PAMR1: variants seen among roughly 807,000 people sequenced by gnomAD.
PAMR1 encodes peptidase domain containing associated with muscle regeneration 1, also known as inactive serine protease PAMR1.
Under a neutral mutation model 81.8 loss-of-function variants are expected in PAMR1, and 88 were observed. The ratio of observed to expected loss-of-function variants is 1.08; its 90% confidence interval spans 0.91 to 1.28. The LOEUF (loss-of-function observed/expected upper bound fraction) is 1.28, where lower values mean the gene tolerates loss of function less well. Among genes scored for constraint, PAMR1 ranks in the 50% most tolerant of loss-of-function variants. PAMR1 has a pLI of 0.00. For synonymous variants in PAMR1, 336 were observed against 345.3 expected, an observed-to-expected ratio of 0.97 and a Z score of 0.30; for missense variants, 935 against 919.7, an observed-to-expected ratio of 1.02 and a Z score of -0.21.
At chr11:35,524,512 G>A (rs1486113858) in intron 1 of PAMR1, among the ~76,000 whole-genome samples, 3 of 152,106 alleles carry the variant, frequency 2.0e-5, no homozygotes, top group South Asian at 2.1e-4. Context: ...TACTTGCAGC[G>A]GCAGAGCACC....
intron 6 of PAMR1, among the ~76,000 whole-genome samples, chr11:35,459,472 C>A (rs1256341380): frequency 1.3e-5 from 2 of 152,160 alleles, no homozygotes; most frequent in African/African-American, 4.8e-5. Context: ...TCTGCTTCAG[C>A]TCCTTGGGGG....
At chr11:35,466,278 C>T (rs901398176) in intron 6 of PAMR1, among the ~76,000 whole-genome samples, 5 of 152,148 alleles carry the variant, frequency 3.3e-5, no homozygotes, top group Non-Finnish European at 5.9e-5. Context: ...GAGGCAAGAA[C>T]CACGAAGCAG....
chr11:35,516,426 A>T (rs539871883), intron 1 of PAMR1, among the ~76,000 whole-genome samples: 1 of 152,328 alleles, frequency 6.6e-6, no homozygotes, highest in African/African-American at 2.4e-5. Context: ...GGGGGCTGAA[A>T]AGATCATAGT....
chr11:35,487,448 C>G (rs1175383159), intron 3 of PAMR1, among the ~76,000 whole-genome samples: 3 of 152,164 alleles, frequency 2.0e-5, no homozygotes, highest in Non-Finnish European at 4.4e-5. Context: ...TCAGCTTATT[C>G]TTGGATCAAC....
rs1181765262 is a variant in PAMR1 at position 35,504,587 on chromosome 11, TTTCTTCCTGGTTCAACCTTGGTA to T, written c.74-10338_74-10316del. 2.0e-5 allele frequency among the ~76,000 whole-genome samples: 3 copies of T among 152,270 alleles called. No homozygotes were observed. In the East Asian group the frequency reaches 5.8e-4, roughly 29 times the overall value. On this transcript the variant is annotated intron_variant, in intron 1 of 10. Coordinates refer to ENST00000619888, the MANE Select transcript of PAMR1 (RefSeq NM_001001991.3). ...ATTATTGGATTGTTGGGGTTCTCTA[TTTCTTCCTGGTTCAACCTTGGTA>T]GGTTGCAAGTGCCCAGGAATTTATC...
chr11:35,496,874 G>A (rs1255769402), intron 1 of PAMR1, among the ~76,000 whole-genome samples: 1 of 152,154 alleles, frequency 6.6e-6, no homozygotes, highest in Middle Eastern at 3.2e-3. Flanking sequence ...TAAACAAAAT[G>A]AGGTACATGG....
At chr11:35,493,137 T>C (rs370894225) in intron 2 of PAMR1, among the ~76,000 whole-genome samples, 1 of 152,066 alleles carries the variant, frequency 6.6e-6, no homozygotes, top group South Asian at 2.1e-4. Context: ...AGATCCCAAA[T>C]CCCTCTACCT....
At chr11:35,445,249 A>G (rs1297241050) in intron 6 of PAMR1, among the ~76,000 whole-genome samples, 4 of 152,188 alleles carry the variant, frequency 2.6e-5, no homozygotes, top group Admixed American at 6.5e-5. Flanking sequence ...GTCTGAGACG[A>G]TGGGGTTTTC....
chr11:35,445,102 A>G (rs1856262119), intron 6 of PAMR1, among the ~76,000 whole-genome samples: 1 of 152,068 alleles, frequency 6.6e-6, no homozygotes, highest in South Asian at 2.1e-4. Flanking sequence ...CTTTGTGGCA[A>G]TTGTGAATGG....
rs1275449716 is a variant in PAMR1, at chr11:35,494,112, G to A, written c.234C>T (p.Ser78=). Residue 78 remains serine (S), a synonymous_variant, in exon 2 of 11, where the codon TCC becomes TCT. Coordinates refer to ENST00000619888, the MANE Select transcript of PAMR1 (RefSeq NM_001001991.3). Reference sequence around the variant, plus strand: ...CACACTCACCTGGGTGGATCAGGCAGGAGTCACACTCATTCTCCTCATTCC... The same window carrying A: ...CACACTCACCTGGGTGGATCAGGCAAGAGTCACACTCATTCTCCTCATTCC... ...CCRNEENECD[S]CLIHPGCTIF... 1 of 1,614,056 alleles carries A rather than the reference G, an allele frequency of 6.2e-7. No homozygotes were observed. The highest frequency in any genetic ancestry group is 2.2e-5 in the East Asian group (1 of 44,868).
intron 6 of PAMR1, among the ~76,000 whole-genome samples, chr11:35,452,748 G>A (rs552296667): frequency 2.6e-5 from 4 of 152,266 alleles, no homozygotes; most frequent in East Asian, 1.9e-4. Flanking sequence ...CCTGCCAAGT[G>A]TCTAAATCTA....
intron 8 of PAMR1, among the ~76,000 whole-genome samples, chr11:35,438,355 G>T (rs932386739): frequency 1.3e-5 from 2 of 152,176 alleles, no homozygotes; most frequent in African/African-American, 2.4e-5. Flanking sequence ...ATACTCAGAA[G>T]AGCAACCGAC....
intron 6 of PAMR1, among the ~76,000 whole-genome samples, chr11:35,454,417 C>A (rs1216634373): frequency 2.0e-5 from 3 of 152,152 alleles, no homozygotes; most frequent in Non-Finnish European, 4.4e-5. Flanking sequence ...GTAATTTATA[C>A]CCCTCAGAGC....
At chr11:35,480,397 G>A (rs1447162467) in intron 3 of PAMR1, among the ~76,000 whole-genome samples, 1 of 152,222 alleles carries the variant, frequency 6.6e-6, no homozygotes, top group Non-Finnish European at 1.5e-5. Flanking sequence ...TCAATGGACA[G>A]GGTCTGGCTA....
At chr11:35,466,630 G>A (rs1451243139) in intron 6 of PAMR1, among the ~76,000 whole-genome samples, 3 of 150,792 alleles carry the variant, frequency 2.0e-5, no homozygotes, top group South Asian at 2.1e-4. Flanking sequence ...GGGAGGCTGA[G>A]GCAGGAGAAT....
chr11:35,492,935 C>T (rs905039071), intron 2 of PAMR1, among the ~76,000 whole-genome samples: 9 of 152,314 alleles, frequency 5.9e-5, no homozygotes, highest in Admixed American at 2.0e-4. Flanking sequence ...GCTCTGCCAT[C>T]GTGCAGCTGT....
intron 1 of PAMR1, among the ~76,000 whole-genome samples, chr11:35,510,451 T>C (rs1424407959): frequency 6.6e-6 from 1 of 152,136 alleles, no homozygotes; most frequent in South Asian, 2.1e-4. Flanking sequence ...TATTCATCCC[T>C]GCACAACCCT....
At chr11:35,434,001 C>G (rs1358088306) in intron 10 of PAMR1, among the ~76,000 whole-genome samples, 4 of 152,174 alleles carry the variant, frequency 2.6e-5, no homozygotes, top group Non-Finnish European at 5.9e-5. Context: ...CTACCTAGGA[C>G]AGTGCCCAAA....
chr11:35,434,173 T>C (rs1310889603), intron 10 of PAMR1, among the ~76,000 whole-genome samples: 1 of 152,212 alleles, frequency 6.6e-6, no homozygotes, highest in East Asian at 1.9e-4. Flanking sequence ...ATTTCACTAA[T>C]TTTTAATTTG....
Sources: allele counts gnomAD v4.1 joint callset (sites outside exome capture counted in the v4.1 genomes callset), GRCh38; gene constraint gnomAD v4.1.1; transcripts MANE v1.5; gene names NCBI Gene and HGNC (gene_info 2026-07-23, HGNC 2026-07-21).